Variants in LAYN observed in about 807,000 individuals in gnomAD.
The protein encoded by LAYN is layilin.
In LAYN, 38 loss-of-function variants were observed where a neutral mutation model predicts 43.6. The observed-to-expected ratio is 0.87, with a 90% CI of 0.67 to 1.14. LAYN has a LOEUF of 1.14. Among genes scored for constraint, LAYN ranks in the 50% most tolerant of loss-of-function variants. LAYN has a pLI of 0.00. For missense variants in LAYN, 479 were observed against 463.8 expected (o/e 1.03, Z -0.30); for synonymous variants, 168 against 172.9 (o/e 0.97, Z 0.22).
intron 3 of LAYN, among the ~76,000 whole-genome samples, chr11:111,552,905 T>A (rs1187258546): frequency 6.6e-6 from 1 of 152,230 alleles, no homozygotes; most frequent in African/African-American, 2.4e-5. Context: ...CTCCTTACTA[T>A]TTTAATTTTC....
chr11:111,549,865 T>G, intron 3 of LAYN, 90 bp downstream of exon 3: 1 of 1,390,860 alleles, frequency 7.2e-7, no homozygotes, highest in Non-Finnish European at 9.7e-7. Flanking sequence ...TGTCATGTGG[T>G]CTCTGAGAAA....
intron 6 of LAYN, among the ~76,000 whole-genome samples, chr11:111,559,073 A>C (rs1327768468): frequency 6.6e-6 from 1 of 152,168 alleles, no homozygotes; most frequent in Non-Finnish European, 1.5e-5. Flanking sequence ...GGCATGAGCC[A>C]CCACACCCGG....
At chr11:111,556,362 T>C (rs1290603734) in intron 5 of LAYN, among the ~76,000 whole-genome samples, 2 of 152,026 alleles carry the variant, frequency 1.3e-5, no homozygotes, top group African/African-American at 4.8e-5. Flanking sequence ...TTATTGGGGG[T>C]ATCAATGCAT....
rs1322505155 is a variant in LAYN at position 111,561,727 on chromosome 11, G to A, written c.*1269G>A. On this transcript the variant is annotated 3_prime_UTR_variant, in exon 7 of 7. Transcript: ENST00000375614. ...GCTCAGCAACTTTGCTTCACATATG[G>A]AGCCCCAACCTCTAGAGTTAACTAG... 1 of 151,908 alleles carries A rather than the reference G, an allele frequency of 6.6e-6. No individual in the cohort carries two copies. The highest frequency in any genetic ancestry group is 6.6e-5 in the Admixed American group (1 of 15,254). 9.4% of individuals were successfully genotyped at this position (151,908 alleles called of 1,614,324 possible).
At chr11:111,554,412 G>A in intron 3 of LAYN, 149 bp from the exon 4 acceptor site, 1 of 649,166 alleles carries the variant, frequency 1.5e-6, no homozygotes, top group South Asian at 1.8e-5. Flanking sequence ...TGATTTACTA[G>A]CCCAGTTCCT....
intron 2 of LAYN, among the ~76,000 whole-genome samples, chr11:111,545,008 T>C (rs1355390182): frequency 3.3e-5 from 5 of 151,440 alleles, no homozygotes; most frequent in Non-Finnish European, 7.4e-5. Context: ...GATTTTAAAA[T>C]ATATTCTTTA....
chr11:111,550,710 G>C (rs926713196), intron 3 of LAYN, among the ~76,000 whole-genome samples: 5 of 152,174 alleles, frequency 3.3e-5, no homozygotes, highest in Non-Finnish European at 4.4e-5. Flanking sequence ...CTCAGGCGGG[G>C]AGATTGCAAA....
chr11:111,560,501 A>C lies in LAYN; in HGVS notation c.*43A>C. On this transcript the variant is annotated 3_prime_UTR_variant, in exon 7 of 7. Transcript: ENST00000375614. ...AACTGACAACAATGGAAAAGAAATG[A>C]TAAGCAAAATCCTCTTATTTTCTAT... The C allele has an allele frequency of 1.3e-6, 2 of 1,560,950 alleles. No homozygotes were observed. Among genetic ancestry groups the C allele is most frequent in the Non-Finnish European group, 1.7e-6 (2 of 1,151,710 alleles).
rs1490095276 is a variant in LAYN at position 111,540,944 on chromosome 11, G to A, written c.85+16G>A. 2.6e-6 allele frequency: 4 copies of A among 1,528,718 alleles called. No individual in the cohort carries two copies. The African/African-American group carries it at 5.5e-5, about 21-fold the overall frequency. 94.7% of individuals were successfully genotyped at this position (1,528,718 alleles called of 1,614,324 possible). ...CTGCTGAGTGGTGAGTGCGCGCGCTGGGGCGGGGGCTGGTGCCGGGGTGGG... is the reference window on the plus strand; with the variant it reads ...CTGCTGAGTGGTGAGTGCGCGCGCTAGGGCGGGGGCTGGTGCCGGGGTGGG... On this transcript the variant is annotated intron_variant, in intron 1 of 6. Coordinates refer to ENST00000375614, the MANE Select transcript of LAYN (RefSeq NM_178834.5).
intron 6 of LAYN, 95 bp from the exon 7 acceptor site, chr11:111,560,000 G>GC: frequency 7.0e-7 from 1 of 1,438,634 alleles, no homozygotes; most frequent in Non-Finnish European, 9.3e-7. Flanking sequence ...CTGGGTGACT[G>GC]CCCAGGGCTG....
intron 1 of LAYN, chr11:111,541,690 C>A: frequency 1.0e-6 from 1 of 981,280 alleles, no homozygotes; most frequent in Non-Finnish European, 1.6e-6. Context: ...ACAGCTTGAC[C>A]AAACGGGACA....
chr11:111,559,454 A>T (rs1342386961), intron 6 of LAYN, among the ~76,000 whole-genome samples: 8 of 151,150 alleles, frequency 5.3e-5, no homozygotes, highest in South Asian at 2.1e-4. Flanking sequence ...ATTTTATTTT[A>T]TTATTTTATT....
At chr11:111,541,473 CG>C in intron 1 of LAYN, 1 of 1,310,174 alleles carries the variant, frequency 7.6e-7, no homozygotes, top group South Asian at 1.3e-5. Flanking sequence ...GCTTAGAGAT[CG>C]GGAAAGAACT....
rs1234379886 is a variant in LAYN, at chr11:111,561,309, A to G, written c.*851A>G. 1.3e-5 allele frequency: 2 copies of G among 152,270 alleles called. No homozygotes were observed. The highest frequency in any genetic ancestry group is 2.9e-5 in the Non-Finnish European group (2 of 68,054). 9.4% of individuals were successfully genotyped at this position (152,270 alleles called of 1,614,324 possible). On this transcript the variant is annotated 3_prime_UTR_variant, in exon 7 of 7. Coordinates refer to ENST00000375614, the MANE Select transcript of LAYN (RefSeq NM_178834.5). ...CAGGAGGTTGAGGCTGCAGTGAGCT[A>G]GGATCACGCCACTGCTCTCCTGCGT...
chr11:111,551,295 A>G (rs1320494298), intron 3 of LAYN: 2 of 455,886 alleles, frequency 4.4e-6, no homozygotes, highest in East Asian at 6.9e-5. Context: ...CTTTCCTTCT[A>G]TCCTCTGACC....
rs1234069818 is a variant in LAYN at position 111,561,645 on chromosome 11, C to T, written c.*1187C>T. ...TATTTAAATCACCAGCAATTTCCCT[C>T]AATCAGCTTCATAATCTCATATTTT... On this transcript the variant is annotated 3_prime_UTR_variant, in exon 7 of 7. Transcript: ENST00000375614. 6.6e-6 allele frequency: 1 copy of T among 152,156 alleles called. No homozygotes were observed. Among genetic ancestry groups the T allele is most frequent in the Admixed American group, 6.5e-5 (1 of 15,280 alleles). 9.4% of individuals were successfully genotyped at this position (152,156 alleles called of 1,614,324 possible). A position where few individuals can be genotyped will look rare whatever the true frequency, so the allele number is the denominator to read the frequency against.
chr11:111,541,351 C>G (rs976626201), intron 1 of LAYN: 4 of 612,350 alleles, frequency 6.5e-6, no homozygotes, highest in African/African-American at 5.5e-5. Flanking sequence ...GAGGCGGCCG[C>G]AGAGACAGCG....
intron 1 of LAYN, chr11:111,541,306 C>A (rs1353442315): frequency 3.3e-6 from 2 of 603,594 alleles, no homozygotes; most frequent in Non-Finnish European, 5.9e-6. Context: ...GCGGGGCAGG[C>A]TTGCCAGCTG....
chr11:111,547,028 T>C (rs1384648516), intron 2 of LAYN, among the ~76,000 whole-genome samples: 1 of 152,104 alleles, frequency 6.6e-6, no homozygotes. Flanking sequence ...CACTTCAGAG[T>C]TCTTTTCTGC....
Sources: gnomAD v4.1 joint callset for allele counts (sites outside exome capture counted in the v4.1 genomes callset) on GRCh38, gnomAD v4.1.1 for gene constraint, MANE v1.5 for transcripts, NCBI Gene and HGNC (gene_info 2026-07-23, HGNC 2026-07-21) for gene names.